The following VAPA variants were observed in gnomAD, a reference collection of about 807,000 sequenced individuals.
VAPA encodes VAMP associated protein A.
In VAPA, 6 loss-of-function variants were observed where a neutral mutation model predicts 25.6. That is an observed-to-expected ratio of 0.23 (90% CI 0.13 to 0.46). The LOEUF is 0.46. VAPA is among the 20% of genes least tolerant of loss of function. The pLI is 0.99. For missense variants in VAPA, 244 were observed against 302.1 expected, an observed-to-expected ratio of 0.81 and a Z score of 1.43; for synonymous variants, 112 against 106.2, an observed-to-expected ratio of 1.05 and a Z score of -0.34.
chr18:9,914,542 C>G, intron 1 of VAPA: 1 of 279,670 alleles, frequency 3.6e-6, no homozygotes, highest in Non-Finnish European at 6.6e-6. Flanking sequence ...CCCTCCCGCC[C>G]GCCCTCGCTG....
chr18:9,927,678 A>G (rs2143320623), intron 1 of VAPA, among the ~76,000 whole-genome samples: 1 of 152,234 alleles, frequency 6.6e-6, no homozygotes, highest in African/African-American at 2.4e-5. Context: ...CACTTGACTG[A>G]CTTTTGGGTG....
chr18:9,925,788 A>AC (rs1235479994), intron 1 of VAPA, among the ~76,000 whole-genome samples: 1 of 152,170 alleles, frequency 6.6e-6, no homozygotes, highest in African/African-American at 2.4e-5. Context: ...TTCAGTGTTG[A>AC]CCTGTGTGAC....
At chr18:9,937,117 TTTGA>T (rs1190342122) in intron 4 of VAPA, 51 bp downstream of exon 4, 1 of 1,461,720 alleles carries the variant, frequency 6.8e-7, no homozygotes, top group African/African-American at 1.4e-5. Context: ...TCTCAGTTCC[TTTGA>T]TTAATTTTGC....
chr18:9,947,976 T>A (rs2069443521), intron 4 of VAPA: 2 of 152,220 alleles, frequency 1.3e-5, no homozygotes, highest in South Asian at 2.1e-4. Flanking sequence ...TTATGTATGT[T>A]CACTGGTTTG....
intron 4 of VAPA, 178 bp from the exon 5 acceptor site, chr18:9,950,217 T>C (rs936199522): frequency 8.5e-5 from 50 of 591,046 alleles, no homozygotes; most frequent in Admixed American, 1.3e-4. Flanking sequence ...GTGCCAGGGA[T>C]TATGGGAATA....
rs2069566210 is a variant in VAPA, at chr18:9,957,811, T to C, written c.*3600T>C. 1 of 152,234 alleles carries C rather than the reference T, an allele frequency of 6.6e-6. No individual in the cohort carries two copies. Among genetic ancestry groups the C allele is most frequent in the African/African-American group, 2.4e-5 (1 of 41,468 alleles). 9.4% of individuals were successfully genotyped at this position (152,234 alleles called of 1,614,324 possible). ...CTGGGACTTGAATTCTGATGGCAGA[T>C]AGTCTCTTGCTTAGTGAGATGGAGT... On this transcript the variant is annotated 3_prime_UTR_variant, in exon 6 of 6. Transcript: ENST00000400000.
In VAPA at chr18:9,937,054, A is replaced by G; in HGVS notation, c.405A>G (p.Glu135=). ...KLRCVFEMPN[E]NDKLNDMEPS... is the part of the protein sequence containing the mutation. ...GATGCGTATTTGAAATGCCCAATGA[A>G]AATGATAAATTGGTAAGTAGGAGAA... Residue 135 remains glutamate (E), a synonymous_variant, in exon 4 of 6, where the codon GAA becomes GAG. Coordinates refer to ENST00000400000, the MANE Select transcript of VAPA (RefSeq NM_194434.3). 1 of 1,613,784 alleles carries G rather than the reference A, an allele frequency of 6.2e-7. No homozygotes were observed. Among genetic ancestry groups the G allele is most frequent in the Non-Finnish European group, 8.5e-7 (1 of 1,179,814 alleles).
At chr18:9,917,951 T>C (rs563375265) in intron 1 of VAPA, among the ~76,000 whole-genome samples, 2 of 152,254 alleles carry the variant, frequency 1.3e-5, no homozygotes, top group African/African-American at 4.8e-5. Flanking sequence ...CATATATTAC[T>C]CCATTCCTTA....
chr18:9,936,856 A>G (rs1318897379), intron 3 of VAPA, 130 bp from the exon 4 acceptor site: 4 of 652,822 alleles, frequency 6.1e-6, no homozygotes, highest in Non-Finnish European at 2.7e-6. Flanking sequence ...AGGGTGATCA[A>G]TAAAGAGTGC....
At chr18:9,941,074 A>T (rs2069362193) in intron 4 of VAPA, among the ~76,000 whole-genome samples, 1 of 151,930 alleles carries the variant, frequency 6.6e-6, no homozygotes, top group Non-Finnish European at 1.5e-5. Context: ...TTGCCTATTA[A>T]AGGCTCTGAG....
chr18:9,943,632 G>A (rs553224512), intron 4 of VAPA, among the ~76,000 whole-genome samples: 1 of 152,092 alleles, frequency 6.6e-6, no homozygotes, highest in African/African-American at 2.4e-5. Flanking sequence ...TGTCAGCTCT[G>A]TATATACGTA....
rs1347695042 is a variant in VAPA, at chr18:9,956,738, T to C, written c.*2527T>C. 2 of 152,620 alleles carry C rather than the reference T, an allele frequency of 1.3e-5. No homozygotes were observed. The highest frequency in any genetic ancestry group is 4.8e-5 in the African/African-American group (2 of 41,468). 9.5% of individuals were successfully genotyped at this position (152,620 alleles called of 1,614,324 possible). ...AAATTGTTTGTCTTCATTCCTTATA[T>C]GTTTAGAAGTTTTTGCTTTGTCTGC... On this transcript the variant is annotated 3_prime_UTR_variant, in exon 6 of 6. Transcript: ENST00000400000.
Position 9,956,252 on chromosome 18 carries a change from CAG to C in VAPA, c.*2042_*2043del, listed in dbSNP as rs1222532421. 6.6e-6 allele frequency: 1 copy of C among 152,176 alleles called. No homozygotes were observed. The highest frequency in any genetic ancestry group is 6.5e-5 in the Admixed American group (1 of 15,278). The allele number at this position is 152,176 out of a possible 1,614,324, so 9.4% of individuals were successfully genotyped here. A position where few individuals can be genotyped will look rare whatever the true frequency, so the allele number is the denominator to read the frequency against. ...GATATCTGGTCTGTTGACTCTAGCT[CAG>C]TGTCTTCTGGTAACTGTTGAAAATT... On this transcript the variant is annotated 3_prime_UTR_variant, in exon 6 of 6. Coordinates refer to ENST00000400000, the MANE Select transcript of VAPA (RefSeq NM_194434.3).
chr18:9,933,776 G>A (rs999478320), intron 2 of VAPA, among the ~76,000 whole-genome samples: 8 of 152,310 alleles, frequency 5.3e-5, no homozygotes, highest in Admixed American at 5.2e-4. Flanking sequence ...GACCTCAAGT[G>A]ATCCATCTAC....
chr18:9,925,301 A>G (rs1010344632), intron 1 of VAPA, among the ~76,000 whole-genome samples: 1 of 152,112 alleles, frequency 6.6e-6, no homozygotes. Flanking sequence ...TGATTGTATA[A>G]TATGGACAGT....
intron 1 of VAPA, 154 bp downstream of exon 1, chr18:9,914,489 C>G (rs912079633): frequency 3.5e-6 from 2 of 567,046 alleles, no homozygotes; most frequent in Non-Finnish European, 2.8e-6. Context: ...GCTTTCTTGC[C>G]GCCACCTCGG....
chr18:9,932,923 A>G (rs1370836582), intron 2 of VAPA, among the ~76,000 whole-genome samples: 1 of 152,120 alleles, frequency 6.6e-6, no homozygotes, highest in African/African-American at 2.4e-5. Context: ...CCTGGCCAAG[A>G]TGGTGAAACC....
At chr18:9,938,189 C>T (rs573697376) in intron 4 of VAPA, among the ~76,000 whole-genome samples, 18 of 151,938 alleles carry the variant, frequency 1.2e-4, no homozygotes, top group Admixed American at 1.1e-3. Context: ...TCTGGATTGA[C>T]TTTTTAAAAA....
rs1160106603 is a variant in VAPA at position 9,955,417 on chromosome 18, T to G, written c.*1206T>G. On this transcript the variant is annotated 3_prime_UTR_variant, in exon 6 of 6. Transcript: ENST00000400000. ...TATAAGTATGCGTTACAGGGTTTGA[T>G]ACTTTCCTGCACTTAGGTTTGTCCT... The G allele has an allele frequency of 6.6e-6, 1 of 152,230 alleles. No individual in the cohort carries two copies. The allele number at this position is 152,230 out of a possible 1,614,324, so 9.4% of individuals were successfully genotyped here.
Sources: allele counts gnomAD v4.1 joint callset (sites outside exome capture counted in the v4.1 genomes callset), GRCh38; gene constraint gnomAD v4.1.1; transcripts MANE v1.5; gene names NCBI Gene and HGNC (gene_info 2026-07-23, HGNC 2026-07-21).